The following C10orf143 variants were observed in gnomAD, a reference collection of about 807,000 sequenced individuals.
C10orf143 encodes the protein chromosome 10 open reading frame 143.
chr10:130,108,946 C>T (rs1311531899), intron 1 of C10orf143, among the ~76,000 whole-genome samples: 1 of 152,218 alleles, frequency 6.6e-6, no homozygotes. Context: ...AGGAGCTCTT[C>T]ATTGCCTCCA....
At chr10:130,064,604 A>G (rs1287767463) in intron 3 of C10orf143, among the ~76,000 whole-genome samples, 1 of 152,194 alleles carries the variant, frequency 6.6e-6, no homozygotes, top group Non-Finnish European at 1.5e-5. Context: ...TACACAGAAG[A>G]CTTTCAATAA....
At position 130,101,723 on chromosome 10, in the gene C10orf143, G is replaced by A. The variant is rs142379874; in HGVS notation, c.69+8981C>T. Among the ~76,000 whole-genome samples, 525 of 151,396 alleles carry A rather than the reference G, an allele frequency of 3.5e-3. 2 individuals are homozygous for A. Among genetic ancestry groups the A allele is most frequent in the African/African-American group, 0.012 (478 of 41,236 alleles). Reference sequence around the variant, plus strand: ...CTATAAAAATACAAAAATTAGCTATGGTGGCAAGCATCTGTAGTCCCAGCT... The same window carrying A: ...CTATAAAAATACAAAAATTAGCTATAGTGGCAAGCATCTGTAGTCCCAGCT... On this transcript the variant is annotated intron_variant, in intron 1 of 3. Transcript: ENST00000637128.
rs532495718 is a variant in C10orf143, at chr10:130,064,213, A to G, written c.*141T>C. The G allele has an allele frequency of 4.5e-4, 178 of 392,888 alleles. No individual in the cohort carries two copies. The highest frequency in any genetic ancestry group is 6.6e-4 in the Non-Finnish European group (148 of 223,304). The allele number at this position is 392,888 out of a possible 1,614,324, so 24.3% of individuals were successfully genotyped here. A position where few individuals can be genotyped will look rare whatever the true frequency, so the allele number is the denominator to read the frequency against. On this transcript the variant is annotated 3_prime_UTR_variant, in exon 4 of 4. Coordinates refer to ENST00000637128, the MANE Select transcript of C10orf143 (RefSeq NM_001355042.2). The stretch of plus-strand genomic sequence containing the variant: ...TTTACTAGAATGAAAGGACAGACAA[A>G]CCTCCCCCCACCCACAGAGGACACC...
Position 130,064,272 on chromosome 10 carries a change from C to T in C10orf143, c.*82G>A. On this transcript the variant is annotated 3_prime_UTR_variant, in exon 4 of 4. Coordinates refer to ENST00000637128, the MANE Select transcript of C10orf143 (RefSeq NM_001355042.2). ...ATTTGAACAGGTAAGTCCCCAAACC[C>T]ATCTGTAGGAGATTCACATTTGCTG... 2.5e-6 allele frequency: 1 copy of T among 397,932 alleles called. No individual in the cohort carries two copies. The highest frequency in any genetic ancestry group is 3.6e-5 in the East Asian group (1 of 28,058). The allele number at this position is 397,932 out of a possible 1,614,324, so 24.7% of individuals were successfully genotyped here.
intron 3 of C10orf143, among the ~76,000 whole-genome samples, chr10:130,053,395 T>C (rs1204627317): frequency 6.6e-6 from 1 of 152,192 alleles, no homozygotes; most frequent in Non-Finnish European, 1.5e-5. Flanking sequence ...TTTATACTGA[T>C]GGAGAGCTTG....
At chr10:130,046,948 T>G (rs577814170) in intron 3 of C10orf143, among the ~76,000 whole-genome samples, 1 of 152,228 alleles carries the variant, frequency 6.6e-6, no homozygotes, top group Admixed American at 6.5e-5. Context: ...CGTGCACACT[T>G]GCTTTTTAAC....
At chr10:130,077,922 C>T (rs545854483) in intron 3 of C10orf143, among the ~76,000 whole-genome samples, 3 of 152,108 alleles carry the variant, frequency 2.0e-5, no homozygotes, top group Non-Finnish European at 2.9e-5. Context: ...AATATTAAAA[C>T]GCCCAAGCCT....
At chr10:130,075,027 A>G (rs1861092514) in intron 3 of C10orf143, among the ~76,000 whole-genome samples, 1 of 152,060 alleles carries the variant, frequency 6.6e-6, no homozygotes, top group Admixed American at 6.6e-5. Context: ...ATAGATTTCA[A>G]TGTCAAAAAG....
At chr10:130,090,141 C>A (rs1191272121) in intron 1 of C10orf143, among the ~76,000 whole-genome samples, 1 of 152,188 alleles carries the variant, frequency 6.6e-6, no homozygotes, top group Non-Finnish European at 1.5e-5. Flanking sequence ...CAAATAGGAA[C>A]AGCTCCAGTC....
intron 1 of C10orf143, among the ~76,000 whole-genome samples, chr10:130,102,912 T>C (rs1033415224): frequency 1.3e-5 from 2 of 152,196 alleles, no homozygotes; most frequent in African/African-American, 4.8e-5. Flanking sequence ...TTTTGCGTCC[T>C]TTTATTTATC....
In C10orf143 at chr10:130,056,060, T is replaced by G. The variant is rs1590009339; in HGVS notation, c.298-20090A>C. 6.6e-6 allele frequency among the ~76,000 whole-genome samples: 1 copy of G among 151,722 alleles called. No individual in the cohort carries two copies. Among genetic ancestry groups the G allele is most frequent in the South Asian group, 2.1e-4 (1 of 4,808 alleles). Reference sequence around the variant, plus strand: ...TGAAAAATGCATTGGTGGCTGATGATTGTTAACTTTTTAAATAACTTTACT... The same window carrying G: ...TGAAAAATGCATTGGTGGCTGATGAGTGTTAACTTTTTAAATAACTTTACT... On this transcript the variant is annotated intron_variant and NMD_transcript_variant, in intron 3 of 5. Transcript: ENST00000643056. The surrounding 1 kb of genome is among the most constrained non-coding windows in gnomAD (Gnocchi z 4.6).
intron 1 of C10orf143, among the ~76,000 whole-genome samples, chr10:130,096,991 C>T (rs183010578): frequency 2.4e-4 from 36 of 149,074 alleles, no homozygotes; most frequent in Admixed American, 2.1e-3. Flanking sequence ...GACAGAGTCT[C>T]GCTCTGTCAC....
intron 1 of C10orf143, among the ~76,000 whole-genome samples, chr10:130,105,767 C>T (rs1422824812): frequency 6.6e-6 from 1 of 152,090 alleles, no homozygotes; most frequent in African/African-American, 2.4e-5. Flanking sequence ...AAACAAAACT[C>T]CCCACCTCCC....
At chr10:130,103,009 C>T (rs1631453) in intron 1 of C10orf143, among the ~76,000 whole-genome samples, 86,857 of 149,586 alleles carry the variant, frequency 0.58, 26,479 homozygotes, top group Admixed American at 0.7. Context: ...GTGTTTCGCT[C>T]TTGTTGCCAC....
At chr10:130,099,093 A>G (rs116968690) in intron 1 of C10orf143, among the ~76,000 whole-genome samples, 23,990 of 139,866 alleles carry the variant, frequency 0.17, 2,703 homozygotes, top group Non-Finnish European at 0.24. Flanking sequence ...ATCTCAAAAA[A>G]AAAAAAGAAA....
intron 3 of C10orf143, among the ~76,000 whole-genome samples, chr10:130,036,149 A>C (rs1008509621): frequency 2.0e-5 from 3 of 152,128 alleles, no homozygotes; most frequent in Non-Finnish European, 4.4e-5. Flanking sequence ...TTTTAGGGGG[A>C]CCCAATTCAG....
intron 1 of C10orf143, among the ~76,000 whole-genome samples, chr10:130,094,601 C>A (rs1861434662): frequency 6.6e-6 from 1 of 152,120 alleles, no homozygotes; most frequent in Non-Finnish European, 1.5e-5. Flanking sequence ...TAATCCATGA[C>A]ATAAGCAGAA....
chr10:130,072,020 G>T (rs1861042551), intron 3 of C10orf143, among the ~76,000 whole-genome samples: 2 of 150,648 alleles, frequency 1.3e-5, no homozygotes, highest in Admixed American at 1.3e-4. Context: ...TCCTAGAATT[G>T]ATTTTGTGTG....
At chr10:130,107,060 C>A (rs1481902423) in intron 1 of C10orf143, 3 of 1,477,928 alleles carry the variant, frequency 2.0e-6, no homozygotes, top group Non-Finnish European at 2.8e-6. Flanking sequence ...TATCCAGTTA[C>A]CTGAAATTGA....
Sources: allele counts gnomAD v4.1 joint callset (sites outside exome capture counted in the v4.1 genomes callset), GRCh38; gene constraint gnomAD v4.1.1; non-coding constraint Gnocchi (gnomAD v3.1); transcripts MANE v1.5; gene names NCBI Gene and HGNC (gene_info 2026-07-23, HGNC 2026-07-21).